EMSY: variants seen among roughly 807,000 people sequenced by gnomAD.
EMSY encodes the protein EMSY transcriptional repressor, BRCA2 interacting.
A neutral mutation model predicts 134.6 loss-of-function variants in EMSY; 26 were observed. That is an observed-to-expected ratio of 0.19 (90% CI 0.14 to 0.27). EMSY has a LOEUF of 0.27. Ranked by LOEUF, EMSY falls within the 10% of genes least tolerant of loss-of-function variation. The pLI is 1.00. For synonymous variants in EMSY, 579 were observed against 577.8 expected (o/e 1.00, Z -0.03); for missense variants, 1,305 against 1,611.4 (o/e 0.81, Z 3.26).
intron 7 of EMSY, among the ~76,000 whole-genome samples, chr11:76,467,277 G>T (rs1307548413): frequency 6.6e-6 from 1 of 152,142 alleles, no homozygotes; most frequent in African/African-American, 2.4e-5. Context: ...GCTTTTAACT[G>T]CCTTTGTTGC....
At chr11:76,550,342 T>TA in exon 21 of EMSY, 1 of 381,094 alleles carries the variant, frequency 2.6e-6, no homozygotes, top group African/African-American at 2.2e-5. Context: ...ATGTACTTTT[T>TA]TAAAAAAAAA....
intron 8 of EMSY, among the ~76,000 whole-genome samples, chr11:76,487,238 CCACTG>C (rs1279579835): frequency 1.3e-5 from 2 of 152,218 alleles, no homozygotes; most frequent in African/African-American, 4.8e-5. Context: ...TGAGATGGTG[CCACTG>C]CACTGCAGCC....
chr11:76,499,821 A>G (rs1949791295), intron 9 of EMSY, among the ~76,000 whole-genome samples: 1 of 152,194 alleles, frequency 6.6e-6, no homozygotes, highest in Middle Eastern at 3.4e-3. Context: ...ATTACAGTAT[A>G]CATGTGTTGG....
chr11:76,453,617 TG>T, intron 4 of EMSY: 1 of 354,746 alleles, frequency 2.8e-6, no homozygotes, highest in Non-Finnish European at 5.1e-6. Context: ...CCTGTTACAA[TG>T]TAATCTCTGT....
intron 11 of EMSY, among the ~76,000 whole-genome samples, chr11:76,519,896 TCTGATATG>T (rs1412650361): frequency 2.0e-5 from 3 of 152,152 alleles, no homozygotes; most frequent in Non-Finnish European, 4.4e-5. Context: ...GGTGGGTCCT[TCTGATATG>T]CTACGAGCCA....
intron 17 of EMSY, 95 bp downstream of exon 18, chr11:76,539,735 G>A: frequency 8.3e-7 from 1 of 1,198,126 alleles, no homozygotes; most frequent in South Asian, 1.2e-5. Flanking sequence ...CTCTCATCTG[G>A]TAGAGGAAAG....
At chr11:76,539,496 G>A (rs974254068) in intron 16 of EMSY, 103 bp from the exon 18 acceptor site, 3 of 1,120,230 alleles carry the variant, frequency 2.7e-6, no homozygotes, top group South Asian at 2.6e-5. Context: ...TCAAGCAGAG[G>A]CCAGTATTCT....
At chr11:76,538,127 A>G (rs1388742188) in intron 16 of EMSY, among the ~76,000 whole-genome samples, 177 bp downstream of exon 17, 2 of 152,238 alleles carry the variant, frequency 1.3e-5, no homozygotes, top group African/African-American at 2.4e-5. Flanking sequence ...AGGAAAAAAA[A>G]TAGGATGTTA....
chr11:76,446,194 A>G (rs1369524269), intron 1 of EMSY, among the ~76,000 whole-genome samples: 1 of 151,854 alleles, frequency 6.6e-6, no homozygotes, highest in Non-Finnish European at 1.5e-5. Flanking sequence ...TGTCTTTTAC[A>G]CTAGGAAATT....
intron 2 of EMSY, among the ~76,000 whole-genome samples, chr11:76,451,291 AG>A (rs1242345752): frequency 3.9e-5 from 6 of 152,188 alleles, no homozygotes; most frequent in Non-Finnish European, 7.3e-5. Flanking sequence ...AGTCCCTTCT[AG>A]GTAAGGAAAC....
chr11:76,476,392 A>G (rs1270106005), intron 8 of EMSY, among the ~76,000 whole-genome samples: 1 of 151,998 alleles, frequency 6.6e-6, no homozygotes, highest in East Asian at 1.9e-4. Context: ...TTTTATCTTT[A>G]TTTTCATTTA....
chr11:76,545,790 T>C lies in EMSY; in HGVS notation c.3274-7T>C. 6.3e-7 allele frequency: 1 copy of C among 1,592,234 alleles called. No homozygotes were observed. ...CTATAACACACACAACCCCAATTTA[T>C]TTTCAGGTGGAGCAGCCAATTATAA... is the stretch of plus-strand genomic sequence containing the variant. On this transcript the variant is annotated splice_region_variant and splice_polypyrimidine_tract_variant and intron_variant, in intron 19 of 20. Transcript: ENST00000334736.
chr11:76,454,774 G>T, intron 4 of EMSY: 1 of 1,468,858 alleles, frequency 6.8e-7, no homozygotes, highest in Non-Finnish European at 9.2e-7. Context: ...ATATTTGGGT[G>T]AAAGACCAAG....
At chr11:76,504,169 C>T (rs1437938680) in intron 9 of EMSY, among the ~76,000 whole-genome samples, 3 of 151,778 alleles carry the variant, frequency 2.0e-5, no homozygotes, top group African/African-American at 4.8e-5. Flanking sequence ...ATTACATATC[C>T]GAAGCAACTG....
At position 76,454,804 on chromosome 11, in the gene EMSY, T is replaced by C; in HGVS notation, c.245+1416T>C. On this transcript the variant is annotated intron_variant, in intron 4 of 20. Transcript: ENST00000334736. ...ACCAAGTTACAGGTATGCAAATAGG[T>C]TATTATTATTTCAGGCTTTTTCTTG... is the stretch of plus-strand genomic sequence containing the variant. 4 of 1,434,176 alleles carry C rather than the reference T, an allele frequency of 2.8e-6. No individual in the cohort carries two copies. The highest frequency in any genetic ancestry group is 3.7e-6 in the Non-Finnish European group (4 of 1,068,234). The allele number at this position is 1,434,176 out of a possible 1,614,324, so 88.8% of individuals were successfully genotyped here.
chr11:76,484,770 T>G (rs923652623), intron 8 of EMSY, among the ~76,000 whole-genome samples: 2 of 151,844 alleles, frequency 1.3e-5, no homozygotes, highest in African/African-American at 4.8e-5. Flanking sequence ...CCATCTCTAC[T>G]AAAAATACAA....
chr11:76,508,382 C>T (rs543348927), intron 9 of EMSY, among the ~76,000 whole-genome samples: 1 of 150,992 alleles, frequency 6.6e-6, no homozygotes, highest in South Asian at 2.1e-4. Flanking sequence ...CAATAGTGGG[C>T]TTAAAACCTT....
At chr11:76,501,971 TA>T (rs1033367307) in intron 9 of EMSY, among the ~76,000 whole-genome samples, 3 of 135,050 alleles carry the variant, frequency 2.2e-5, no homozygotes, top group African/African-American at 8.4e-5. Context: ...GAAATTGCAA[TA>T]AAGTTACGTA....
chr11:76,459,551 T>C (rs1590792026), intron 5 of EMSY: 1 of 160,042 alleles, frequency 6.2e-6, no homozygotes, highest in Non-Finnish European at 1.4e-5. Context: ...GGAAAAATTA[T>C]CCACCCATAT....
Sources: gnomAD v4.1 joint callset for allele counts (sites outside exome capture counted in the v4.1 genomes callset) on GRCh38, gnomAD v4.1.1 for gene constraint, MANE v1.5 for transcripts, NCBI Gene and HGNC (gene_info 2026-07-23, HGNC 2026-07-21) for gene names.